The following RFTN2 variants were observed in gnomAD, a reference collection of about 807,000 sequenced individuals.
RFTN2 encodes raftlin family member 2.
Under a neutral mutation model 52.7 loss-of-function variants are expected in RFTN2, and 34 were observed. That is an observed-to-expected ratio of 0.64 (90% CI 0.49 to 0.86). The LOEUF is 0.86. RFTN2 is among the 40% of genes least tolerant of loss of function. The probability of loss-of-function intolerance (pLI) is 0.00; values close to 1 mark genes in which losing one functional copy is unlikely to be tolerated. For synonymous variants in RFTN2, 203 were observed against 217.7 expected, an observed-to-expected ratio of 0.93 and a Z score of 0.59; for missense variants, 536 against 600.1, an observed-to-expected ratio of 0.89 and a Z score of 1.12.
At chr2:197,658,006 T>G (rs1472157289) in intron 1 of RFTN2, among the ~76,000 whole-genome samples, 3 of 151,962 alleles carry the variant, frequency 2.0e-5, no homozygotes, top group Middle Eastern at 6.8e-3. Flanking sequence ...GCCTATAGAG[T>G]CAGGAATTTT....
intron 3 of RFTN2, among the ~76,000 whole-genome samples, chr2:197,643,516 C>A (rs1015569985): frequency 6.6e-6 from 1 of 152,310 alleles, no homozygotes; most frequent in East Asian, 1.9e-4. Flanking sequence ...CTGTTACCAA[C>A]TGTCTCCTAA....
chr2:197,660,834 C>A (rs2106266514), intron 1 of RFTN2, among the ~76,000 whole-genome samples: 1 of 152,278 alleles, frequency 6.6e-6, no homozygotes, highest in South Asian at 2.1e-4. Context: ...GCTGGGATTA[C>A]AGGTGTGAGC....
chr2:197,584,129 T>C (rs984815681), intron 8 of RFTN2, among the ~76,000 whole-genome samples: 79 of 152,246 alleles, frequency 5.2e-4, no homozygotes, highest in Non-Finnish European at 1.3e-4. Flanking sequence ...TATAATCCTT[T>C]GGGTATATAC....
intron 5 of RFTN2, among the ~76,000 whole-genome samples, chr2:197,622,278 T>G (rs1371161851): frequency 6.6e-6 from 1 of 152,198 alleles, no homozygotes; most frequent in Non-Finnish European, 1.5e-5. Context: ...TAAAGGTGGC[T>G]GCACAAAACT....
At chr2:197,625,320 G>A (rs1391908446) in intron 5 of RFTN2, among the ~76,000 whole-genome samples, 1 of 152,136 alleles carries the variant, frequency 6.6e-6, no homozygotes, top group East Asian at 1.9e-4. Context: ...TGTTTGAAGG[G>A]CTCCCAGGGA....
chr2:197,581,643 A>T (rs1393509694), intron 8 of RFTN2, among the ~76,000 whole-genome samples: 1 of 152,118 alleles, frequency 6.6e-6, no homozygotes, highest in South Asian at 2.1e-4. Context: ...TTATTCTCCA[A>T]GGGATATCTG....
chr2:197,569,805 T>C lies in RFTN2; in HGVS notation c.*2203A>G, dbSNP rs1325981339. On this transcript the variant is annotated 3_prime_UTR_variant, in exon 9 of 9. Transcript: ENST00000295049. Reference sequence around the variant, plus strand: ...TAAAATTACAAAACTTAGCCAGGCATGGTGGTGCAGGCCTGTAATCCCTGC... The same window carrying C: ...TAAAATTACAAAACTTAGCCAGGCACGGTGGTGCAGGCCTGTAATCCCTGC... 1 of 151,528 alleles carries C rather than the reference T, an allele frequency of 6.6e-6. No individual in the cohort carries two copies. The allele number at this position is 151,528 out of a possible 1,614,324, so 9.4% of individuals were successfully genotyped here.
At chr2:197,642,931 A>G (rs913396299) in intron 3 of RFTN2, among the ~76,000 whole-genome samples, 1 of 152,194 alleles carries the variant, frequency 6.6e-6, no homozygotes, top group African/African-American at 2.4e-5. Flanking sequence ...GCGAGCTATG[A>G]TTGTGCCACT....
At chr2:197,668,344 C>G (rs1016943870) in intron 1 of RFTN2, among the ~76,000 whole-genome samples, 15 of 152,044 alleles carry the variant, frequency 9.9e-5, no homozygotes, top group African/African-American at 3.6e-4. Flanking sequence ...GTTCCCCAGG[C>G]CAGCAGTGGA....
intron 3 of RFTN2, 76 bp downstream of exon 3, chr2:197,644,082 G>T: frequency 1.1e-6 from 1 of 877,642 alleles, no homozygotes. Flanking sequence ...TCTTTTTAGG[G>T]TAAAAAAGGG....
chr2:197,635,470 C>T (rs1261724764), intron 3 of RFTN2, among the ~76,000 whole-genome samples: 1 of 152,126 alleles, frequency 6.6e-6, no homozygotes, highest in Non-Finnish European at 1.5e-5. Context: ...TTTTGATTTG[C>T]ATTTCTCTGA....
At chr2:197,592,362 A>ACGCC (rs1404261293) in intron 8 of RFTN2, among the ~76,000 whole-genome samples, 1 of 152,056 alleles carries the variant, frequency 6.6e-6, no homozygotes, top group African/African-American at 2.4e-5. Flanking sequence ...CGCCCAGCTA[A>ACGCC]TTGTGTATTT....
At chr2:197,662,364 T>C (rs1032293590) in intron 1 of RFTN2, among the ~76,000 whole-genome samples, 4 of 152,224 alleles carry the variant, frequency 2.6e-5, no homozygotes, top group East Asian at 3.8e-4. Flanking sequence ...TATCCATTTA[T>C]TGAAGAGGGT....
At chr2:197,591,691 G>A in intron 8 of RFTN2, among the ~76,000 whole-genome samples, 1 of 152,160 alleles carries the variant, frequency 6.6e-6, no homozygotes, top group East Asian at 1.9e-4. Flanking sequence ...TGCAGGTCCT[G>A]AGCCCTGCCC....
chr2:197,674,660 C>A (rs950635543), intron 1 of RFTN2, among the ~76,000 whole-genome samples: 1 of 152,090 alleles, frequency 6.6e-6, no homozygotes, highest in Non-Finnish European at 1.5e-5. Context: ...TTTGTGAAAT[C>A]GAGCCACCTC....
intron 7 of RFTN2, among the ~76,000 whole-genome samples, chr2:197,609,642 T>C (rs917673998): frequency 3.9e-5 from 6 of 152,222 alleles, no homozygotes; most frequent in African/African-American, 1.2e-4. Flanking sequence ...TTTAATTAGA[T>C]CCCGTTTGTC....
At chr2:197,658,452 GTT>G (rs10596113) in intron 1 of RFTN2, among the ~76,000 whole-genome samples, 96,095 of 146,072 alleles carry the variant, frequency 0.66, 31,436 homozygotes, top group Middle Eastern at 0.85. Flanking sequence ...TTGTATTATT[GTT>G]TTTTTTTTTT....
chr2:197,635,553 T>C (rs1193653973), intron 3 of RFTN2, among the ~76,000 whole-genome samples: 2,504 of 150,594 alleles, frequency 0.017, 64 homozygotes, highest in African/African-American at 0.058. Context: ...AAGTGTCTGT[T>C]CATGTCCTTC....
Position 197,675,572 on chromosome 2 carries a change from C to T in RFTN2, c.-114G>A. The T allele has an allele frequency of 7.9e-6, 1 of 126,354 alleles. No homozygotes were observed. The highest frequency in any genetic ancestry group is 1.5e-5 in the Non-Finnish European group (1 of 68,090). The allele number at this position is 126,354 out of a possible 1,614,324, so 7.8% of individuals were successfully genotyped here. A position where few individuals can be genotyped will look rare whatever the true frequency, so the allele number is the denominator to read the frequency against. On this transcript the variant is annotated 5_prime_UTR_variant, in exon 1 of 9. Coordinates refer to ENST00000295049, the MANE Select transcript of RFTN2 (RefSeq NM_144629.3). Reference sequence around the variant, plus strand: ...TTAACTGCTTTGATTTTGTTTTCAGCTAAACTATAGATAACCAAAAAAAAA... The same window carrying T: ...TTAACTGCTTTGATTTTGTTTTCAGTTAAACTATAGATAACCAAAAAAAAA...
Sources: gnomAD v4.1 joint callset for allele counts (sites outside exome capture counted in the v4.1 genomes callset) on GRCh38, gnomAD v4.1.1 for gene constraint, MANE v1.5 for transcripts, NCBI Gene and HGNC (gene_info 2026-07-23, HGNC 2026-07-21) for gene names.